The following TGFA variants were observed in gnomAD, a reference collection of about 807,000 sequenced individuals.
TGFA encodes protransforming growth factor alpha.
In TGFA, 12 loss-of-function variants were observed where a neutral mutation model predicts 21.7. That is an observed-to-expected ratio of 0.55 (90% CI 0.35 to 0.90). TGFA has a LOEUF of 0.90. TGFA is among the 40% of genes least tolerant of loss of function. The pLI is 0.01. For synonymous variants in TGFA, 79 were observed against 88.1 expected, an observed-to-expected ratio of 0.90 and a Z score of 0.58; for missense variants, 178 against 210.8, an observed-to-expected ratio of 0.84 and a Z score of 0.96.
At chr2:70,454,103 G>A (rs573016163) in intron 4 of TGFA, among the ~76,000 whole-genome samples, 1 of 152,262 alleles carries the variant, frequency 6.6e-6, no homozygotes, top group Non-Finnish European at 1.5e-5. Flanking sequence ...CTATCGTGGA[G>A]AACTTTGTTT....
chr2:70,508,385 C>T (rs782521183), intron 2 of TGFA, among the ~76,000 whole-genome samples: 3 of 152,134 alleles, frequency 2.0e-5, no homozygotes, highest in Non-Finnish European at 4.4e-5. Flanking sequence ...GCAGAGGTTG[C>T]AGTGAGCCAA....
intron 5 of TGFA, chr2:70,451,824 T>A: frequency 1.5e-6 from 1 of 677,594 alleles, no homozygotes; most frequent in Non-Finnish European, 2.6e-6. Context: ...CCCCCACTGA[T>A]TCCCAGTGGG....
At chr2:70,491,689 T>C (rs1419453142) in intron 2 of TGFA, among the ~76,000 whole-genome samples, 1 of 152,232 alleles carries the variant, frequency 6.6e-6, no homozygotes, top group African/African-American at 2.4e-5. Context: ...CTGTTGGCAC[T>C]GCCTTTATTC....
intron 2 of TGFA, among the ~76,000 whole-genome samples, chr2:70,504,433 A>AATATATATATATATCTAT (rs1671838789): frequency 1.6e-5 from 1 of 62,444 alleles, no homozygotes. Flanking sequence ...AAACAAAACA[A>AATATATATATATATCTAT]ATATATATAT....
intron 2 of TGFA, among the ~76,000 whole-genome samples, chr2:70,497,549 G>A (rs1671614426): frequency 1.3e-5 from 2 of 152,188 alleles, no homozygotes; most frequent in South Asian, 4.1e-4. Flanking sequence ...CTGCCTACAA[G>A]GAGCTGAGGT....
At chr2:70,527,893 T>A (rs189858766) in intron 1 of TGFA, among the ~76,000 whole-genome samples, 118 of 152,358 alleles carry the variant, frequency 7.7e-4, no homozygotes, top group Non-Finnish European at 1.5e-3. Context: ...AAGTACAACG[T>A]CCTTCTCCTA....
At position 70,522,610 on chromosome 2, in the gene TGFA, T is replaced by C. The variant is rs960468603; in HGVS notation, c.41-7698A>G. Among the ~76,000 whole-genome samples the C allele has an allele frequency of 3.9e-5, 6 of 152,068 alleles. No homozygotes were observed. In the East Asian group the frequency reaches 7.7e-4, roughly 19 times the overall value. ...CATCACACCCGGCTAATTTTTTATA[T>C]TTTTGGTACAGACGAGGTTTCACCA... On this transcript the variant is annotated intron_variant, in intron 1 of 5. Coordinates refer to ENST00000295400, the MANE Select transcript of TGFA (RefSeq NM_003236.4).
At chr2:70,523,157 G>A (rs190795127) in intron 1 of TGFA, among the ~76,000 whole-genome samples, 3 of 152,260 alleles carry the variant, frequency 2.0e-5, no homozygotes, top group Admixed American at 6.5e-5. Flanking sequence ...TTGGTCACCC[G>A]ATGAGATGAC....
intron 5 of TGFA, among the ~76,000 whole-genome samples, chr2:70,452,354 C>T (rs548818789): frequency 2.0e-5 from 3 of 152,272 alleles, no homozygotes; most frequent in East Asian, 1.9e-4. Context: ...ACTGATGCTC[C>T]GAGGAGGCTC....
chr2:70,536,560 C>T (rs1166239013), intron 1 of TGFA, among the ~76,000 whole-genome samples: 3 of 152,084 alleles, frequency 2.0e-5, no homozygotes, highest in Non-Finnish European at 2.9e-5. Flanking sequence ...CTGAAAAATC[C>T]CCCAGTACTG....
intron 1 of TGFA, among the ~76,000 whole-genome samples, chr2:70,547,728 T>C (rs1673353558): frequency 1.4e-5 from 2 of 147,224 alleles, no homozygotes; most frequent in Non-Finnish European, 3.0e-5. Flanking sequence ...TATCTATACT[T>C]ATACTACTAT....
At chr2:70,537,319 C>T (rs781785516) in intron 1 of TGFA, among the ~76,000 whole-genome samples, 2 of 152,124 alleles carry the variant, frequency 1.3e-5, no homozygotes, top group African/African-American at 2.4e-5. Flanking sequence ...CTAGGCCAAT[C>T]AATAAACCTA....
intron 2 of TGFA, among the ~76,000 whole-genome samples, chr2:70,487,781 A>G (rs1553496928): frequency 6.6e-6 from 1 of 152,244 alleles, no homozygotes; most frequent in Admixed American, 6.5e-5. Flanking sequence ...GAAACATTAT[A>G]TGAAACCGAA....
intron 1 of TGFA, among the ~76,000 whole-genome samples, chr2:70,542,829 A>C (rs1257912930): frequency 6.6e-6 from 1 of 152,214 alleles, no homozygotes; most frequent in Non-Finnish European, 1.5e-5. Flanking sequence ...CTTTTCCTTC[A>C]ATTTTATTTA....
chr2:70,540,700 C>G (rs1444371057), intron 1 of TGFA, among the ~76,000 whole-genome samples: 1 of 151,866 alleles, frequency 6.6e-6, no homozygotes, highest in Non-Finnish European at 1.5e-5. Context: ...AGGTTAAAAA[C>G]AAAAAAATTA....
chr2:70,546,439 C>A (rs72912111), intron 1 of TGFA, among the ~76,000 whole-genome samples: 1 of 151,934 alleles, frequency 6.6e-6, no homozygotes, highest in Non-Finnish European at 1.5e-5. Context: ...GCCCAATAGA[C>A]AGTTTTTCAA....
At chr2:70,451,126 G>C (rs11466275) in intron 5 of TGFA, among the ~76,000 whole-genome samples, 6,120 of 152,306 alleles carry the variant, frequency 0.04, 353 homozygotes, top group African/African-American at 0.14. Flanking sequence ...AGGCAGATGG[G>C]GGGGAGCGGG....
intron 1 of TGFA, among the ~76,000 whole-genome samples, chr2:70,536,593 A>C (rs1052029697): frequency 1.3e-5 from 2 of 152,238 alleles, no homozygotes; most frequent in Non-Finnish European, 2.9e-5. Flanking sequence ...CACACTTCTA[A>C]ACAACACATG....
chr2:70,497,108 T>A (rs1553498460), intron 2 of TGFA, among the ~76,000 whole-genome samples: 1 of 152,028 alleles, frequency 6.6e-6, no homozygotes, highest in East Asian at 1.9e-4. Flanking sequence ...ATGATACATC[T>A]GGGAAAAAGA....
Sources: allele counts gnomAD v4.1 joint callset (sites outside exome capture counted in the v4.1 genomes callset), GRCh38; gene constraint gnomAD v4.1.1; transcripts MANE v1.5; gene names NCBI Gene and HGNC (gene_info 2026-07-23, HGNC 2026-07-21).